The following CCDC102B variants were observed in gnomAD, a reference collection of about 807,000 sequenced individuals.
CCDC102B encodes the protein coiled-coil domain containing 102B.
In CCDC102B, 75 loss-of-function variants were observed where a neutral mutation model predicts 57.4. The ratio of observed to expected loss-of-function variants is 1.31; its 90% CI spans 1.08 to 1.58. CCDC102B has a LOEUF of 1.58. Ranked by LOEUF, CCDC102B falls within the 40% of genes most tolerant of loss-of-function variation. The pLI, the probability that CCDC102B is intolerant of heterozygous loss-of-function variation, is 0.00. For missense variants in CCDC102B, 636 were observed against 582.6 expected (o/e 1.09, Z -0.94); for synonymous variants, 206 against 201.9 (o/e 1.02, Z -0.17).
chr18:69,057,272 G>A (rs116895957), downstream of CCDC102B, among the ~76,000 whole-genome samples: 43 of 152,134 alleles, frequency 2.8e-4, no homozygotes, highest in Non-Finnish European at 4.4e-4. Context: ...TTGAAACTTA[G>A]TAGCTTAAAA....
chr18:68,913,092 A>G (rs755097832), intron 6 of CCDC102B, among the ~76,000 whole-genome samples: 20 of 151,828 alleles, frequency 1.3e-4, no homozygotes, highest in Admixed American at 7.2e-4. Flanking sequence ...TTCATTTCCT[A>G]TTTCTCTGTG....
chr18:68,951,183 G>A (rs905570758), intron 6 of CCDC102B, among the ~76,000 whole-genome samples: 1 of 152,054 alleles, frequency 6.6e-6, no homozygotes, highest in Non-Finnish European at 1.5e-5. Flanking sequence ...AATAAACACA[G>A]ATGATGTTAG....
In CCDC102B at chr18:68,998,991, TATATATATAG is replaced by T. The variant is rs1169434219; in HGVS notation, c.1264-11941_1264-11932del. ...TCATATATATATATATATATATATA[TATATATATAG>T]AGAGAGAGAGAGAGAGAGAGAGAGA... On this transcript the variant is annotated intron_variant, in intron 6 of 7. Transcript: ENST00000360242. Among the ~76,000 whole-genome samples the T allele has an allele frequency of 5.5e-3, 388 of 70,036 alleles. 1 individual carries two copies. The highest frequency in any genetic ancestry group is 0.013 in the African/African-American group (275 of 20,390). 45.9% of individuals were successfully genotyped at this position (70,036 alleles called of 152,430 possible).
At chr18:68,866,354 G>T (rs2038978871) in intron 4 of CCDC102B, among the ~76,000 whole-genome samples, 1 of 152,110 alleles carries the variant, frequency 6.6e-6, no homozygotes, top group Admixed American at 6.5e-5. Context: ...GAGGCAATGG[G>T]ATAATAAAAA....
intron 6 of CCDC102B, among the ~76,000 whole-genome samples, chr18:68,984,035 T>G (rs558714462): frequency 6.6e-6 from 1 of 152,204 alleles, no homozygotes; most frequent in African/African-American, 2.4e-5. Flanking sequence ...TCTGTTTATC[T>G]GTAGCAACCT....
intron 6 of CCDC102B, among the ~76,000 whole-genome samples, chr18:68,938,990 TAG>T (rs2049314057): frequency 6.6e-6 from 1 of 151,802 alleles, no homozygotes; most frequent in Non-Finnish European, 1.5e-5. Flanking sequence ...TCTTTTGAAA[TAG>T]ATAACCAATA....
chr18:68,723,832 G>A (rs940036089), intron 2 of CCDC102B, among the ~76,000 whole-genome samples: 5 of 152,184 alleles, frequency 3.3e-5, no homozygotes, highest in African/African-American at 4.8e-5. Context: ...TGTGGAGGAT[G>A]GAGGCCCTCT....
rs566075374 is a variant in CCDC102B at position 68,826,651 on chromosome 18, TA to T, written c.-15-10092del. Among the ~76,000 whole-genome samples, 362 of 152,246 alleles carry T rather than the reference TA, an allele frequency of 2.4e-3. 1 individual carries two copies. Among genetic ancestry groups the T allele is most frequent in the African/African-American group, 7.0e-3 (291 of 41,560 alleles). Reference sequence around the variant, plus strand: ...AGAAGTGTGTCTATATTTTTATTTTTAAAAAACGATATACAAACACACTGGG... The same window carrying T: ...AGAAGTGTGTCTATATTTTTATTTTTAAAAACGATATACAAACACACTGGG... On this transcript the variant is annotated intron_variant, in intron 1 of 7. Coordinates refer to ENST00000360242, the MANE Select transcript of CCDC102B (RefSeq NM_024781.3).
chr18:68,867,581 T>G (rs1344864340), intron 4 of CCDC102B, among the ~76,000 whole-genome samples: 1 of 152,036 alleles, frequency 6.6e-6, no homozygotes, highest in African/African-American at 2.4e-5. Flanking sequence ...CACAGCATTA[T>G]TGAAAGAAGA....
chr18:69,057,656 T>A (rs1458256411), downstream of CCDC102B, among the ~76,000 whole-genome samples: 1 of 152,012 alleles, frequency 6.6e-6, no homozygotes, highest in Non-Finnish European at 1.5e-5. Flanking sequence ...TGCTATGGCT[T>A]TATGGAAGTA....
intron 7 of CCDC102B, among the ~76,000 whole-genome samples, chr18:69,023,010 G>A (rs1038115762): frequency 4.0e-5 from 6 of 151,826 alleles, no homozygotes; most frequent in African/African-American, 7.3e-5. Flanking sequence ...AGAAAAGCAG[G>A]AGATATTTTT....
intron 2 of CCDC102B, among the ~76,000 whole-genome samples, chr18:68,727,889 T>G (rs2032671468): frequency 6.6e-6 from 1 of 152,214 alleles, no homozygotes; most frequent in Admixed American, 6.5e-5. Flanking sequence ...TGGACTGTTT[T>G]TAATGGACTT....
chr18:69,043,157 G>A (rs2052474232), intron 7 of CCDC102B, among the ~76,000 whole-genome samples: 1 of 152,132 alleles, frequency 6.6e-6, no homozygotes, highest in African/African-American at 2.4e-5. Flanking sequence ...ATTAAGTGCT[G>A]TGCTTTTAGA....
intron 7 of CCDC102B, among the ~76,000 whole-genome samples, chr18:69,020,530 T>TTGTTGTGGGTGGG (rs2051802561): frequency 6.6e-6 from 1 of 152,022 alleles, no homozygotes; most frequent in African/African-American, 2.4e-5. Flanking sequence ...TTCACTGCAG[T>TTGTTGTGGGTGGG]TGTTGTGGGT....
intron 6 of CCDC102B, among the ~76,000 whole-genome samples, chr18:68,937,255 T>C (rs4438405): frequency 0.54 from 82,077 of 151,810 alleles, 26,265 homozygotes; most frequent in Non-Finnish European, 0.69. Context: ...GTGGTCATTT[T>C]AAACAGATAA....
intron 4 of CCDC102B, among the ~76,000 whole-genome samples, chr18:68,848,321 C>T (rs1487282625): frequency 1.3e-5 from 2 of 152,050 alleles, no homozygotes; most frequent in African/African-American, 2.4e-5. Flanking sequence ...TTGCATTTAT[C>T]GTAGCTCATC....
chr18:68,783,235 A>G (rs2144639374), intron 2 of CCDC102B, among the ~76,000 whole-genome samples: 1 of 152,316 alleles, frequency 6.6e-6, no homozygotes, highest in Non-Finnish European at 1.5e-5. Context: ...ATCTAAACAT[A>G]AGAAGTCTTA....
intron 6 of CCDC102B, among the ~76,000 whole-genome samples, chr18:68,917,436 TGAAATTAA>T (rs1184201940): frequency 3.9e-5 from 6 of 152,278 alleles, no homozygotes; most frequent in African/African-American, 1.4e-4. Flanking sequence ...TTGCGATCTC[TGAAATTAA>T]GCTGCTAACT....
chr18:69,015,652 C>T (rs2051644202), intron 7 of CCDC102B, among the ~76,000 whole-genome samples: 2 of 151,990 alleles, frequency 1.3e-5, no homozygotes, highest in Admixed American at 1.3e-4. Context: ...TGTAGAGAGA[C>T]TAGAATAGTA....
Sources: gnomAD v4.1 joint callset for allele counts (sites outside exome capture counted in the v4.1 genomes callset) on GRCh38, gnomAD v4.1.1 for gene constraint, MANE v1.5 for transcripts, NCBI Gene and HGNC (gene_info 2026-07-23, HGNC 2026-07-21) for gene names.